The following DOCK3 variants were observed in gnomAD, a reference collection of about 807,000 sequenced individuals.
DOCK3 encodes the protein dedicator of cytokinesis protein 3.
In DOCK3, 60 loss-of-function variants were observed where a neutral mutation model predicts 265.6. The ratio of observed to expected loss-of-function variants is 0.23; its 90% CI spans 0.18 to 0.28. DOCK3 has a LOEUF of 0.28. DOCK3 is among the 10% of genes least tolerant of loss of function. DOCK3 has a pLI of 1.00. For missense variants in DOCK3, 1,981 were observed against 2,594.3 expected (o/e 0.76, Z 5.14); for synonymous variants, 881 against 938.0 (o/e 0.94, Z 1.11).
chr3:51,095,087 T>C (rs1260525697), intron 9 of DOCK3, among the ~76,000 whole-genome samples: 2 of 151,564 alleles, frequency 1.3e-5, no homozygotes, highest in Non-Finnish European at 3.0e-5. Flanking sequence ...GAGAATGGTC[T>C]CCTGCTGGGT....
intron 4 of DOCK3, chr3:50,901,710 C>T: frequency 2.2e-6 from 1 of 453,816 alleles, no homozygotes; most frequent in Non-Finnish European, 4.4e-6. Flanking sequence ...CATGGCTACC[C>T]TTGGCTAGGG....
intron 12 of DOCK3, among the ~76,000 whole-genome samples, chr3:51,195,081 T>C (rs1249922656): frequency 6.6e-6 from 1 of 152,088 alleles, no homozygotes; most frequent in Non-Finnish European, 1.5e-5. Flanking sequence ...CACCTTGAAC[T>C]CCCAAAATGC....
Position 51,334,943 on chromosome 3 carries a change from T to C in DOCK3, c.3611+1690T>C, listed in dbSNP as rs562145972. 4.5e-4 allele frequency among the ~76,000 whole-genome samples: 69 copies of C among 152,302 alleles called. 1 individual carries two copies. The highest frequency in any genetic ancestry group is 2.6e-3 in the Admixed American group (40 of 15,296). ...GTATCTACAAAAAGGCCAAAGTCTT[T>C]AATATGGCATCACTGGCCTTTACTC... On this transcript the variant is annotated intron_variant, in intron 35 of 52. Transcript: ENST00000266037.
chr3:51,256,875 A>T (rs182341245), intron 22 of DOCK3, among the ~76,000 whole-genome samples: 107 of 152,356 alleles, frequency 7.0e-4, no homozygotes, highest in Non-Finnish European at 1.4e-3. Flanking sequence ...AATTACAGGC[A>T]TGAGCCATTG....
intron 26 of DOCK3, 138 bp downstream of exon 26, chr3:51,277,892 TC>T (rs1196349259): frequency 3.7e-5 from 55 of 1,506,720 alleles, no homozygotes; most frequent in Non-Finnish European, 4.9e-5. Context: ...GCTGCCCTCT[TC>T]CCTTCTTGAG....
chr3:50,940,276 A>G (rs1437250537), intron 5 of DOCK3, among the ~76,000 whole-genome samples: 1 of 129,450 alleles, frequency 7.7e-6, no homozygotes, highest in African/African-American at 2.8e-5. Flanking sequence ...ACATAGCAAG[A>G]TCCCATTTCT....
intron 2 of DOCK3, chr3:50,786,797 A>G: frequency 2.7e-6 from 2 of 741,272 alleles, no homozygotes; most frequent in Non-Finnish European, 2.6e-6. Flanking sequence ...TTTGTGCCCA[A>G]CGTGGATGCT....
chr3:50,981,535 A>T (rs2077688380), intron 5 of DOCK3, among the ~76,000 whole-genome samples: 1 of 152,184 alleles, frequency 6.6e-6, no homozygotes, highest in African/African-American at 2.4e-5. Context: ...CAATGCTGAG[A>T]GTGGGCTGTT....
chr3:51,336,500 T>A (rs527593987), intron 35 of DOCK3, among the ~76,000 whole-genome samples: 45 of 152,252 alleles, frequency 3.0e-4, no homozygotes, highest in African/African-American at 1.1e-3. Flanking sequence ...GTCACTGATG[T>A]AGTCCCCAGC....
At chr3:50,831,222 T>C (rs1016593600) in intron 2 of DOCK3, among the ~76,000 whole-genome samples, 1 of 150,734 alleles carries the variant, frequency 6.6e-6, no homozygotes, top group Non-Finnish European at 1.5e-5. Context: ...TATTTATTTA[T>C]TTATTTTTAA....
At chr3:50,854,591 A>ATTTTTTTTT (rs1559726991) in intron 3 of DOCK3, among the ~76,000 whole-genome samples, 8 of 4,324 alleles carry the variant, frequency 1.9e-3, no homozygotes, top group African/African-American at 3.0e-3. Flanking sequence ...CCATCACACC[A>ATTTTTTTTT]GTTTTTTTTT....
intron 12 of DOCK3, among the ~76,000 whole-genome samples, chr3:51,191,382 T>C (rs928723055): frequency 1.3e-5 from 2 of 152,152 alleles, no homozygotes; most frequent in Non-Finnish European, 2.9e-5. Flanking sequence ...TGACGTAGAA[T>C]GAGGAATGGC....
At chr3:50,791,305 C>T (rs1186290554) in intron 2 of DOCK3, among the ~76,000 whole-genome samples, 1 of 146,894 alleles carries the variant, frequency 6.8e-6, no homozygotes, top group Admixed American at 7.0e-5. Context: ...GCTCTGTCGC[C>T]CAGGATTGAG....
At chr3:51,347,964 G>A (rs893973808) in intron 38 of DOCK3, among the ~76,000 whole-genome samples, 2 of 152,204 alleles carry the variant, frequency 1.3e-5, no homozygotes, top group Admixed American at 6.5e-5. Context: ...GTATAGGAAT[G>A]CTTGTGATTT....
intron 9 of DOCK3, among the ~76,000 whole-genome samples, chr3:51,138,640 C>A (rs1267955629): frequency 6.6e-6 from 1 of 152,186 alleles, no homozygotes; most frequent in African/African-American, 2.4e-5. Flanking sequence ...TAAGTCCCTC[C>A]AAATAGTACC....
At chr3:51,296,743 A>G (rs1223771004) in intron 27 of DOCK3, among the ~76,000 whole-genome samples, 1 of 151,918 alleles carries the variant, frequency 6.6e-6, no homozygotes, top group Admixed American at 6.6e-5. Flanking sequence ...CCCAAAGTAA[A>G]TTGATTTTTT....
chr3:50,714,604 C>T, intron 1 of DOCK3, among the ~76,000 whole-genome samples: 1 of 152,168 alleles, frequency 6.6e-6, no homozygotes, highest in East Asian at 1.9e-4. Context: ...TGCATGCCAG[C>T]ACATCTGGCT....
chr3:50,930,465 C>G (rs2050998253), intron 4 of DOCK3, among the ~76,000 whole-genome samples: 1 of 152,158 alleles, frequency 6.6e-6, no homozygotes, highest in Non-Finnish European at 1.5e-5. Flanking sequence ...GCAGCTGTGC[C>G]CAAAACGATG....
At chr3:50,970,918 TATATATATATATATATATATATATATATA>T (rs1336251057) in intron 5 of DOCK3, among the ~76,000 whole-genome samples, 12 of 69,168 alleles carry the variant, frequency 1.7e-4, no homozygotes, top group African/African-American at 5.7e-4. Flanking sequence ...TATATATATA[TATATATATATATATATATATATATATATA>T]ATGTGTGTGT....
Sources: allele counts gnomAD v4.1 joint callset (sites outside exome capture counted in the v4.1 genomes callset), GRCh38; gene constraint gnomAD v4.1.1; transcripts MANE v1.5; gene names NCBI Gene and HGNC (gene_info 2026-07-23, HGNC 2026-07-21).